DYM: variants seen among roughly 807,000 people sequenced by gnomAD.
DYM encodes dyggve-Melchior-Clausen syndrome protein.
Under a neutral mutation model 93.1 loss-of-function variants are expected in DYM, and 78 were observed. The observed-to-expected ratio is 0.84, with a 90% CI of 0.70 to 1.01. DYM has a LOEUF of 1.01. DYM is among the 50% of genes least tolerant of loss of function. The probability of loss-of-function intolerance (pLI) is 0.00; values close to 1 mark genes in which losing one functional copy is unlikely to be tolerated. For synonymous variants in DYM, 321 were observed against 319.7 expected, an observed-to-expected ratio of 1.00 and a Z score of -0.04; for missense variants, 789 against 845.0, an observed-to-expected ratio of 0.93 and a Z score of 0.82.
chr18:49,108,811 GT>G (rs1437527818), intron 16 of DYM, among the ~76,000 whole-genome samples: 1 of 152,294 alleles, frequency 6.6e-6, no homozygotes, highest in Non-Finnish European at 1.5e-5. Context: ...TGAGAAAGAA[GT>G]GTTGACTTCT....
intron 11 of DYM, among the ~76,000 whole-genome samples, chr18:49,263,645 C>T (rs930094293): frequency 2.6e-5 from 4 of 151,746 alleles, no homozygotes; most frequent in South Asian, 4.2e-4. Context: ...CAGAGAATTG[C>T]TTGAACCTGG....
In DYM at chr18:49,042,130, T is replaced by A. The variant is rs2070971145; in HGVS notation, c.*1925A>T. ...TGCTGGCTGAGAGCGCTTCTCCTCC[T>A]TCAGACTGGCTCTGCCACAAAGCTA... is the stretch of plus-strand genomic sequence containing the variant. On this transcript the variant is annotated 3_prime_UTR_variant, in exon 18 of 18. Coordinates refer to ENST00000675505, the MANE Select transcript of DYM (RefSeq NM_001353214.3). 1 of 152,752 alleles carries A rather than the reference T, an allele frequency of 6.5e-6. No homozygotes were observed. Among genetic ancestry groups the A allele is most frequent in the African/African-American group, 2.4e-5 (1 of 41,480 alleles). The allele number at this position is 152,752 out of a possible 1,614,324, so 9.5% of individuals were successfully genotyped here.
At chr18:49,209,913 C>A (rs1370173280) in intron 13 of DYM, among the ~76,000 whole-genome samples, 198 bp from the exon 14 acceptor site, 1 of 151,188 alleles carries the variant, frequency 6.6e-6, no homozygotes, top group Non-Finnish European at 1.5e-5. Context: ...TCTAAACAGA[C>A]ACTTCATCAG....
At chr18:49,055,721 A>G (rs2075411583) in intron 17 of DYM, among the ~76,000 whole-genome samples, 1 of 152,250 alleles carries the variant, frequency 6.6e-6, no homozygotes, top group South Asian at 2.1e-4. Flanking sequence ...AAATGGGCAG[A>G]ATGCTAAACG....
intron 2 of DYM, among the ~76,000 whole-genome samples, chr18:49,428,336 A>G (rs955293993): frequency 1.7e-4 from 26 of 152,046 alleles, no homozygotes; most frequent in African/African-American, 5.8e-4. Flanking sequence ...AAGACCACCT[A>G]TTGTTACAAT....
chr18:49,422,577 C>T (rs1308566925), intron 2 of DYM, among the ~76,000 whole-genome samples: 1 of 152,120 alleles, frequency 6.6e-6, no homozygotes, highest in Non-Finnish European at 1.5e-5. Context: ...GGGCTAAATG[C>T]TCCAATTAAA....
At chr18:49,406,039 T>C (rs2071456222) in intron 2 of DYM, among the ~76,000 whole-genome samples, 1 of 152,180 alleles carries the variant, frequency 6.6e-6, no homozygotes, top group African/African-American at 2.4e-5. Context: ...ATATTATCAA[T>C]GTATAGAAAT....
chr18:49,172,165 T>C (rs2088829932), intron 14 of DYM, among the ~76,000 whole-genome samples: 1 of 152,228 alleles, frequency 6.6e-6, no homozygotes, highest in African/African-American at 2.4e-5. Flanking sequence ...TCACTCAGCA[T>C]AATGCTTTTC....
At chr18:49,258,841 G>C (rs113518146) in intron 11 of DYM, among the ~76,000 whole-genome samples, 729 of 16,752 alleles carry the variant, frequency 0.044, 2 homozygotes, top group East Asian at 0.11. Flanking sequence ...CACACACACA[G>C]AGAGAGAGAG....
intron 5 of DYM, among the ~76,000 whole-genome samples, chr18:49,369,068 G>A (rs376786839): frequency 6.6e-6 from 1 of 152,216 alleles, no homozygotes. Context: ...GGAGGGTTTC[G>A]GGCTGCTTCA....
chr18:49,056,607 G>A (rs528594672), intron 17 of DYM, among the ~76,000 whole-genome samples: 53 of 151,332 alleles, frequency 3.5e-4, no homozygotes, highest in Non-Finnish European at 5.3e-4. Context: ...GTGTGATCTC[G>A]GCTCACTGTA....
intron 8 of DYM, among the ~76,000 whole-genome samples, chr18:49,295,518 G>T (rs1187287555): frequency 6.6e-6 from 1 of 152,138 alleles, no homozygotes; most frequent in African/African-American, 2.4e-5. Flanking sequence ...ATAGTGTTGG[G>T]AGCCAAACCA....
intron 14 of DYM, among the ~76,000 whole-genome samples, chr18:49,166,451 C>A (rs188563541): frequency 9.5e-4 from 145 of 152,188 alleles, no homozygotes; most frequent in Non-Finnish European, 1.7e-3. Context: ...GAAATGAACA[C>A]CCTTGTAAAT....
chr18:49,193,142 A>T (rs1318959539), intron 14 of DYM, among the ~76,000 whole-genome samples: 2 of 152,054 alleles, frequency 1.3e-5, no homozygotes, highest in Admixed American at 6.6e-5. Flanking sequence ...AAATCTTAAC[A>T]CCACTTTGCA....
At chr18:49,176,574 CTT>C (rs36121103) in intron 14 of DYM, among the ~76,000 whole-genome samples, 2,042 of 99,292 alleles carry the variant, frequency 0.021, 34 homozygotes, top group African/African-American at 0.08. Context: ...CCAAGCCTGG[CTT>C]TTTTTTTTTT....
rs567672931 is a variant in DYM, at chr18:49,107,394, C to T, written c.1912-9879G>A. ...GAGTAATTTGATCATCTGAAGCCTT[C>T]TTCTCTCAACTCTTCAAAGTCATTC... On this transcript the variant is annotated intron_variant, in intron 16 of 17. Transcript: ENST00000675505. Among the ~76,000 whole-genome samples the T allele has an allele frequency of 1.8e-4, 28 of 152,326 alleles. No individual in the cohort carries two copies. In the East Asian group the frequency reaches 1.9e-3, roughly 10 times the overall value.
chr18:49,236,098 C>T (rs968372629), intron 13 of DYM, among the ~76,000 whole-genome samples: 6 of 152,108 alleles, frequency 3.9e-5, no homozygotes, highest in African/African-American at 7.2e-5. Context: ...AAAATTAAAA[C>T]CTTTTTAAAA....
intron 14 of DYM, among the ~76,000 whole-genome samples, chr18:49,173,864 G>A (rs968093287): frequency 2.6e-5 from 4 of 151,948 alleles, no homozygotes; most frequent in African/African-American, 4.8e-5. Flanking sequence ...TTGACTTATG[G>A]CACTGGCTAG....
At chr18:49,086,416 A>G (rs894632616) in intron 17 of DYM, among the ~76,000 whole-genome samples, 1 of 152,170 alleles carries the variant, frequency 6.6e-6, no homozygotes, top group African/African-American at 2.4e-5. Flanking sequence ...GAATGGATTA[A>G]TCTAGTCACA....
Sources: gnomAD v4.1 joint callset for allele counts (sites outside exome capture counted in the v4.1 genomes callset) on GRCh38, gnomAD v4.1.1 for gene constraint, MANE v1.5 for transcripts, NCBI Gene and HGNC (gene_info 2026-07-23, HGNC 2026-07-21) for gene names.